The following AGPS variants were observed in gnomAD, a reference collection of about 807,000 sequenced individuals.
AGPS encodes alkyldihydroxyacetonephosphate synthase, peroxisomal.
A neutral mutation model predicts 90.7 loss-of-function variants in AGPS; 26 were observed. The observed-to-expected ratio is 0.29, with a 90% confidence interval of 0.21 to 0.40. The LOEUF is 0.40. Among genes scored for constraint, AGPS ranks in the 10% least tolerant of loss-of-function variants. AGPS has a pLI of 1.00. For synonymous variants in AGPS, 294 were observed against 285.3 expected, an observed-to-expected ratio of 1.03 and a Z score of -0.31; for missense variants, 540 against 816.1, an observed-to-expected ratio of 0.66 and a Z score of 4.12.
At chr2:177,398,790 A>G (rs753878347) in intron 1 of AGPS, among the ~76,000 whole-genome samples, 1 of 152,266 alleles carries the variant, frequency 6.6e-6, no homozygotes, top group Non-Finnish European at 1.5e-5. Context: ...TAGACCAGCC[A>G]GTTTACTTTT....
At chr2:177,502,010 T>G (rs1688574914) in intron 14 of AGPS, among the ~76,000 whole-genome samples, 1 of 152,196 alleles carries the variant, frequency 6.6e-6, no homozygotes, top group Admixed American at 6.5e-5. Context: ...CAGTTTTGTT[T>G]TCTTATATGT....
chr2:177,480,140 A>G (rs779453086), intron 10 of AGPS, among the ~76,000 whole-genome samples: 1 of 152,124 alleles, frequency 6.6e-6, no homozygotes, highest in Non-Finnish European at 1.5e-5. Flanking sequence ...AGATCATGTC[A>G]TTGCACTCCA....
At chr2:177,441,133 T>G (rs1686590429) in intron 6 of AGPS, 97 bp downstream of exon 6, 1 of 1,053,038 alleles carries the variant, frequency 9.5e-7, no homozygotes, top group African/African-American at 1.6e-5. Flanking sequence ...AAACAAACAT[T>G]ATTGTAATTG....
chr2:177,422,944 A>G (rs1685980800), intron 2 of AGPS, among the ~76,000 whole-genome samples: 1 of 16,058 alleles, frequency 6.2e-5, no homozygotes, highest in African/African-American at 1.3e-4. Context: ...TATCAGATGG[A>G]TAGAGTTACC....
rs919052400 is a variant in AGPS, at chr2:177,502,238, G to A, written c.1475+2508G>A. 1.5e-4 allele frequency among the ~76,000 whole-genome samples: 14 copies of A among 96,260 alleles called. No homozygotes were observed. The East Asian group carries it at 2.2e-3, about 15-fold the overall frequency. 63.2% of individuals were successfully genotyped at this position (96,260 alleles called of 152,430 possible). A position where few individuals can be genotyped will look rare whatever the true frequency, so the allele number is the denominator to read the frequency against. ...GGGTAAAGAGTTAAAGATTGGCTCC[G>A]TTTGAGGTCTCATTTTTTTTTTTTG... On this transcript the variant is annotated intron_variant, in intron 14 of 19. Transcript: ENST00000264167.
At chr2:177,452,694 T>G (rs1156427580) in intron 8 of AGPS, among the ~76,000 whole-genome samples, 1 of 152,168 alleles carries the variant, frequency 6.6e-6, no homozygotes, top group African/African-American at 2.4e-5. Context: ...TGGTTTAGTT[T>G]AAATCTGTCA....
intron 2 of AGPS, among the ~76,000 whole-genome samples, chr2:177,430,563 T>C (rs1307186828): frequency 1.3e-5 from 2 of 152,118 alleles, no homozygotes; most frequent in Non-Finnish European, 2.9e-5. Context: ...CTGGTGGGGT[T>C]GCACAATCTC....
intron 1 of AGPS, among the ~76,000 whole-genome samples, chr2:177,414,922 A>G (rs371688128): frequency 6.9e-4 from 21 of 30,482 alleles, no homozygotes; most frequent in Admixed American, 6.5e-3. Flanking sequence ...GTGTGTGTGT[A>G]TAATGTATAT....
At chr2:177,412,752 G>A (rs1009771633) in intron 1 of AGPS, among the ~76,000 whole-genome samples, 1 of 152,068 alleles carries the variant, frequency 6.6e-6, no homozygotes, top group Non-Finnish European at 1.5e-5. Flanking sequence ...TTGGCCTCAC[G>A]GATTCCAAGG....
intron 11 of AGPS, among the ~76,000 whole-genome samples, chr2:177,486,226 C>CT (rs1381877285): frequency 2.0e-5 from 3 of 152,170 alleles, no homozygotes; most frequent in Non-Finnish European, 1.5e-5. Context: ...ATTTGGATAT[C>CT]TAACAGTTTT....
intron 2 of AGPS, among the ~76,000 whole-genome samples, chr2:177,432,087 A>G (rs541115137): frequency 2.8e-4 from 42 of 152,312 alleles, no homozygotes; most frequent in Non-Finnish European, 5.7e-4. Context: ...GTGCTGCCCC[A>G]GAGTGAGAGT....
intron 1 of AGPS, among the ~76,000 whole-genome samples, chr2:177,413,346 T>G (rs571093789): frequency 6.6e-6 from 1 of 152,364 alleles, no homozygotes; most frequent in South Asian, 2.1e-4. Context: ...GTATTTTCTT[T>G]GTCTGTGTTC....
In AGPS at chr2:177,403,043, C is replaced by T. The variant is rs558022822; in HGVS notation, c.260+9994C>T. ...CTGCACTCCAGCCTGGGTGACAGAG[C>T]AAGACTCTGTCTCAAAAAAGGAGAA... On this transcript the variant is annotated intron_variant, in intron 1 of 19. Coordinates refer to ENST00000264167, the MANE Select transcript of AGPS (RefSeq NM_003659.4). Among the ~76,000 whole-genome samples the T allele has an allele frequency of 3.9e-5, 6 of 152,200 alleles. No individual in the cohort carries two copies. The South Asian group carries it at 1.2e-3, about 32-fold the overall frequency.
intron 8 of AGPS, among the ~76,000 whole-genome samples, chr2:177,458,274 T>C (rs1238415284): frequency 6.6e-6 from 1 of 152,180 alleles, no homozygotes; most frequent in Non-Finnish European, 1.5e-5. Context: ...CTTTGAAAAC[T>C]GGCACAAGAC....
At chr2:177,479,986 G>A (rs1386632514) in intron 10 of AGPS, among the ~76,000 whole-genome samples, 1 of 152,090 alleles carries the variant, frequency 6.6e-6, no homozygotes, top group Admixed American at 6.5e-5. Flanking sequence ...TTCGAGACCA[G>A]CCTGACCAAC....
At chr2:177,452,515 T>C (rs1686981852) in intron 8 of AGPS, among the ~76,000 whole-genome samples, 1 of 152,194 alleles carries the variant, frequency 6.6e-6, no homozygotes, top group South Asian at 2.1e-4. Flanking sequence ...TAGCATGGTA[T>C]ATCTTTTTGC....
intron 11 of AGPS, among the ~76,000 whole-genome samples, chr2:177,483,115 G>A (rs1013950691): frequency 2.0e-5 from 3 of 152,130 alleles, no homozygotes; most frequent in African/African-American, 7.2e-5. Context: ...GGAAGAATCT[G>A]TTGAGGCAAA....
intron 10 of AGPS, among the ~76,000 whole-genome samples, chr2:177,470,271 G>A (rs569508084): frequency 3.9e-5 from 6 of 152,282 alleles, no homozygotes; most frequent in South Asian, 2.1e-4. Flanking sequence ...AGGGTAGTTC[G>A]AGAGATAATT....
intron 2 of AGPS, among the ~76,000 whole-genome samples, chr2:177,433,909 C>T (rs1239986210): frequency 3.3e-5 from 5 of 152,010 alleles, no homozygotes; most frequent in South Asian, 2.1e-4. Flanking sequence ...TGTGATTTCT[C>T]GGTATGCTTT....
Sources: allele counts gnomAD v4.1 joint callset (sites outside exome capture counted in the v4.1 genomes callset), GRCh38; gene constraint gnomAD v4.1.1; transcripts MANE v1.5; gene names NCBI Gene and HGNC (gene_info 2026-07-23, HGNC 2026-07-21).